The following AATF variants were observed in gnomAD, a reference collection of about 807,000 sequenced individuals.
AATF encodes the protein apoptosis antagonizing transcription factor, also known as protein AATF.
AATF carries 48 observed loss-of-function variants against 63.7 expected under a neutral mutation model. That is an observed-to-expected ratio of 0.75 (90% CI 0.60 to 0.96). The LOEUF is 0.96. AATF is among the 40% of genes least tolerant of loss of function. AATF has a pLI of 0.00. For synonymous variants in AATF, 258 were observed against 247.7 expected, an observed-to-expected ratio of 1.04 and a Z score of -0.39; for missense variants, 639 against 685.7, an observed-to-expected ratio of 0.93 and a Z score of 0.76.
At chr17:36,994,459 G>T (rs2071238841) in intron 8 of AATF, among the ~76,000 whole-genome samples, 1 of 152,186 alleles carries the variant, frequency 6.6e-6, no homozygotes, top group Non-Finnish European at 1.5e-5. Flanking sequence ...TTGGAAACTG[G>T]AATTGCTGAA....
intron 6 of AATF, 89 bp from the exon 7 acceptor site, chr17:36,989,158 C>G: frequency 7.1e-7 from 1 of 1,402,796 alleles, no homozygotes; most frequent in Non-Finnish European, 9.6e-7. Flanking sequence ...TTCTATCTCT[C>G]TGCTGACACA....
At chr17:37,053,562 A>G (rs2071771769) in intron 11 of AATF, among the ~76,000 whole-genome samples, 1 of 152,164 alleles carries the variant, frequency 6.6e-6, no homozygotes, top group Non-Finnish European at 1.5e-5. Flanking sequence ...AAAAAGAAAA[A>G]GGTGCTATAA....
At chr17:36,952,552 G>A (rs1388206625) in intron 2 of AATF, among the ~76,000 whole-genome samples, 1 of 152,224 alleles carries the variant, frequency 6.6e-6, no homozygotes, top group African/African-American at 2.4e-5. Context: ...TTAGAGATTA[G>A]CTTAAATTCA....
At position 37,019,036 on chromosome 17, in the gene AATF, G is replaced by A; in HGVS notation, c.1430G>A (p.Ser477Asn). 6.2e-7 allele frequency: 1 copy of A among 1,614,150 alleles called. No individual in the cohort carries two copies. Among genetic ancestry groups the A allele is most frequent in the Non-Finnish European group, 8.5e-7 (1 of 1,180,008 alleles). The change falls in exon 9 of 12, where the codon AGC becomes AAC. Residue 477 changes from serine (S) to asparagine (N), a missense_variant. Coordinates refer to ENST00000619387, the MANE Select transcript of AATF (RefSeq NM_012138.4). The part of the protein sequence containing the change: ...LLRELIERKT[S>N]SLDPNDQVAM... ...CGAGAACTCATAGAACGGAAGACCA[G>A]CTCCTTGGATCCCAACGATCAGGTG...
In AATF at chr17:37,050,690, C is replaced by T. The variant is rs138282241; in HGVS notation, c.1620-5911C>T. ...GCTGCTATGATTGGAACCCTTTGTC[C>T]GACTTGCCTGCCGTGTGCTTTCTTC... is the stretch of plus-strand genomic sequence containing the variant. On this transcript the variant is annotated intron_variant, in intron 11 of 11. Coordinates refer to ENST00000619387, the MANE Select transcript of AATF (RefSeq NM_012138.4). Among the ~76,000 whole-genome samples the T allele has an allele frequency of 8.5e-5, 13 of 152,226 alleles. No homozygotes were observed. The Middle Eastern group carries it at 0.01, about 119-fold the overall frequency.
chr17:37,035,991 A>G (rs1384606728), intron 11 of AATF, among the ~76,000 whole-genome samples: 2 of 152,040 alleles, frequency 1.3e-5, no homozygotes, highest in Admixed American at 6.6e-5. Context: ...TGGTGCAATC[A>G]TAGCTCCCTG....
intron 8 of AATF, among the ~76,000 whole-genome samples, chr17:37,014,071 T>C (rs188880818): frequency 3.7e-4 from 57 of 152,236 alleles, no homozygotes; most frequent in African/African-American, 1.3e-3. Context: ...GATTTTAGTA[T>C]ACTCATTTAC....
At chr17:36,973,984 G>A (rs1433676030) in intron 4 of AATF, among the ~76,000 whole-genome samples, 1 of 151,704 alleles carries the variant, frequency 6.6e-6, no homozygotes, top group Non-Finnish European at 1.5e-5. Flanking sequence ...CAGAAGAATC[G>A]CTTGAACCTG....
intron 3 of AATF, 146 bp from the exon 4 acceptor site, chr17:36,953,623 AT>A: frequency 1.3e-6 from 1 of 796,516 alleles, no homozygotes; most frequent in South Asian, 1.9e-5. Flanking sequence ...ATTTTCTCTA[AT>A]AGAGAATATT....
intron 10 of AATF, among the ~76,000 whole-genome samples, chr17:37,031,185 A>AAGTTG (rs2071549113): frequency 6.6e-6 from 1 of 152,134 alleles, no homozygotes; most frequent in African/African-American, 2.4e-5. Flanking sequence ...GGGGAAAGGA[A>AAGTTG]TGTCTGTACC....
At chr17:37,006,040 T>G (rs551783739) in intron 8 of AATF, among the ~76,000 whole-genome samples, 1 of 152,024 alleles carries the variant, frequency 6.6e-6, no homozygotes, top group Non-Finnish European at 1.5e-5. Context: ...GAGGCTGAGG[T>G]AGGAAGATCA....
chr17:36,969,760 T>C (rs2071024573), intron 4 of AATF, among the ~76,000 whole-genome samples: 1 of 152,234 alleles, frequency 6.6e-6, no homozygotes, highest in Non-Finnish European at 1.5e-5. Context: ...ATAATGAACA[T>C]ATTCCTCATC....
chr17:37,040,742 A>G (rs998688862), intron 11 of AATF, among the ~76,000 whole-genome samples: 1 of 144,922 alleles, frequency 6.9e-6, no homozygotes, highest in African/African-American at 2.6e-5. Context: ...TTAGATTAAA[A>G]TGCTTCCCCC....
Position 36,953,084 on chromosome 17 carries a change from C to A in AATF, c.482C>A (p.Thr161Asn), listed in dbSNP as rs1388536834. The A allele has an allele frequency of 1.2e-6, 2 of 1,614,038 alleles. No individual in the cohort carries two copies. Among genetic ancestry groups the A allele is most frequent in the Non-Finnish European group, 1.7e-6 (2 of 1,180,020 alleles). ...VQSISDFEKF[T>N]KGMDDLGSSE... ...AGTATCAGTGACTTTGAGAAATTTA[C>A]CAAGGGAATGGATGACCTTGGGAGC... Residue 161 changes from threonine (T) to asparagine (N), a missense_variant, in exon 3 of 12, where the codon ACC (threonine) becomes AAC (asparagine). Physicochemically the swap from Thr to Asn is moderately conservative, Grantham distance 65. Coordinates refer to ENST00000619387, the MANE Select transcript of AATF (RefSeq NM_012138.4).
intron 10 of AATF, among the ~76,000 whole-genome samples, chr17:37,022,151 T>TGTGTGTGTGA (rs1555652536): frequency 8.7e-6 from 1 of 114,550 alleles, no homozygotes; most frequent in East Asian, 2.8e-4. Context: ...TGTGTGTGTG[T>TGTGTGTGTGA]GAGAAACACA....
intron 4 of AATF, among the ~76,000 whole-genome samples, chr17:36,956,785 T>C (rs1385119682): frequency 1.3e-5 from 2 of 152,140 alleles, no homozygotes; most frequent in East Asian, 3.8e-4. Context: ...GAGACCAGCC[T>C]AGCCAACGTG....
chr17:37,019,517 C>A (rs1031562057), intron 9 of AATF, among the ~76,000 whole-genome samples: 8 of 152,266 alleles, frequency 5.3e-5, no homozygotes, highest in African/African-American at 1.9e-4. Context: ...AGCTTCAGCA[C>A]AATTAGAAGT....
intron 11 of AATF, chr17:37,052,578 CT>C (rs1156653960): frequency 6.6e-6 from 1 of 152,290 alleles, no homozygotes; most frequent in Non-Finnish European, 1.5e-5. Context: ...TATGCAGAGA[CT>C]TTCCAAGGGG....
chr17:36,963,172 A>G (rs977754085), intron 4 of AATF, among the ~76,000 whole-genome samples: 5 of 152,324 alleles, frequency 3.3e-5, no homozygotes, highest in East Asian at 1.9e-4. Flanking sequence ...TATAGTGCCA[A>G]TAATTCTGCC....
Sources: gnomAD v4.1 joint callset for allele counts (sites outside exome capture counted in the v4.1 genomes callset) on GRCh38, gnomAD v4.1.1 for gene constraint, MANE v1.5 for transcripts, NCBI Gene and HGNC (gene_info 2026-07-23, HGNC 2026-07-21) for gene names.